PPM1H: variants seen among roughly 807,000 people sequenced by gnomAD.
PPM1H encodes protein phosphatase 1H.
Under a neutral mutation model 54.9 loss-of-function variants are expected in PPM1H, and 27 were observed. That is an observed-to-expected ratio of 0.49 (90% CI 0.36 to 0.68). PPM1H has a LOEUF of 0.68. PPM1H is among the 30% of genes least tolerant of loss of function. PPM1H has a pLI of 0.00. For missense variants in PPM1H, 596 were observed against 667.8 expected (o/e 0.89, Z 1.19); for synonymous variants, 305 against 270.8 (o/e 1.13, Z -1.24).
intron 1 of PPM1H, among the ~76,000 whole-genome samples, chr12:62,902,355 AAATAAT>A (rs903508211): frequency 3.3e-5 from 5 of 151,348 alleles, no homozygotes; most frequent in African/African-American, 9.7e-5. Flanking sequence ...CTCCAACTCA[AAATAAT>A]AATAATAATA....
At chr12:62,840,070 AGAGAGAGAGAGAGAGC>A (rs1399869972) in intron 1 of PPM1H, 1 of 151,416 alleles carries the variant, frequency 6.6e-6, no homozygotes, top group African/African-American at 2.4e-5. Flanking sequence ...AGAGAGAGAG[AGAGAGAGAGAGAGAGC>A]GAGAGAAATA....
rs577282851 is a variant in PPM1H at position 62,647,326 on chromosome 12, G to A, written c.*1163C>T. 1 of 152,296 alleles carries A rather than the reference G, an allele frequency of 6.6e-6. No homozygotes were observed. The highest frequency in any genetic ancestry group is 2.4e-5 in the African/African-American group (1 of 41,558). The allele number at this position is 152,296 out of a possible 1,614,324, so 9.4% of individuals were successfully genotyped here. A position where few individuals can be genotyped will look rare whatever the true frequency, so the allele number is the denominator to read the frequency against. The stretch of plus-strand genomic sequence containing the variant: ...TTCTTTTATTAAAGTGCCCCCCGAG[G>A]GGCCTTGCACAAAGATGATGGGGAG... On this transcript the variant is annotated 3_prime_UTR_variant, in exon 10 of 10. Coordinates refer to ENST00000228705, the MANE Select transcript of PPM1H (RefSeq NM_020700.2).
At chr12:62,865,012 A>T (rs1261063792) in intron 1 of PPM1H, among the ~76,000 whole-genome samples, 1 of 152,124 alleles carries the variant, frequency 6.6e-6, no homozygotes, top group African/African-American at 2.4e-5. Context: ...TTAAATGTCC[A>T]CTCCTCATTA....
intron 2 of PPM1H, among the ~76,000 whole-genome samples, chr12:62,819,405 G>A (rs896571584): frequency 6.6e-6 from 1 of 152,158 alleles, no homozygotes; most frequent in African/African-American, 2.4e-5. Context: ...GGGATTACAG[G>A]CGTGAGCCAC....
chr12:62,857,912 G>A (rs755759653), intron 1 of PPM1H, among the ~76,000 whole-genome samples: 6 of 152,098 alleles, frequency 3.9e-5, no homozygotes, highest in Non-Finnish European at 5.9e-5. Context: ...CCAGGTCAGC[G>A]CCTTGCATAT....
intron 4 of PPM1H, among the ~76,000 whole-genome samples, chr12:62,769,107 A>G (rs2076563005): frequency 6.6e-6 from 1 of 152,172 alleles, no homozygotes; most frequent in Non-Finnish European, 1.5e-5. Context: ...TGTTGGGTCA[A>G]CCAGAAGACT....
At chr12:62,793,784 A>C (rs75660994) in intron 3 of PPM1H, among the ~76,000 whole-genome samples, 48 of 151,634 alleles carry the variant, frequency 3.2e-4, no homozygotes, top group African/African-American at 1.0e-3. Flanking sequence ...ATGTGTGTGC[A>C]ATGAGACTAA....
At chr12:62,749,528 G>C (rs1238054823) in intron 4 of PPM1H, among the ~76,000 whole-genome samples, 1 of 152,166 alleles carries the variant, frequency 6.6e-6, no homozygotes, top group Non-Finnish European at 1.5e-5. Flanking sequence ...GGGCAGCTGA[G>C]GGACAAGCCA....
At chr12:62,649,488 T>G (rs1002411049) in intron 9 of PPM1H, among the ~76,000 whole-genome samples, 2 of 152,132 alleles carry the variant, frequency 1.3e-5, no homozygotes, top group Non-Finnish European at 1.5e-5. Flanking sequence ...CATAAAAAAA[T>G]GAGACAAAAC....
At chr12:62,891,477 T>G (rs1275913243) in intron 1 of PPM1H, among the ~76,000 whole-genome samples, 2 of 152,214 alleles carry the variant, frequency 1.3e-5, no homozygotes, top group African/African-American at 4.8e-5. Context: ...TTAAAATAAG[T>G]TGGCCAAGAT....
At chr12:62,775,786 T>G (rs2076606986) in intron 4 of PPM1H, among the ~76,000 whole-genome samples, 1 of 152,186 alleles carries the variant, frequency 6.6e-6, no homozygotes, top group Non-Finnish European at 1.5e-5. Context: ...TACTACCCCC[T>G]CTTTCTTTGG....
At chr12:62,791,643 G>A (rs547106488) in intron 3 of PPM1H, among the ~76,000 whole-genome samples, 78 of 152,212 alleles carry the variant, frequency 5.1e-4, no homozygotes, top group African/African-American at 1.7e-3. Flanking sequence ...TGAAAACGCC[G>A]GGCGTGGTGG....
At chr12:62,787,772 C>A (rs138974510) in intron 4 of PPM1H, among the ~76,000 whole-genome samples, 16 of 152,188 alleles carry the variant, frequency 1.1e-4, no homozygotes, top group Non-Finnish European at 4.4e-5. Context: ...TGAACCCGGA[C>A]GTGAGGCAAC....
rs528683000 is a variant in PPM1H at position 62,677,754 on chromosome 12, G to A, written c.1246-10425C>T. 3.9e-5 allele frequency among the ~76,000 whole-genome samples: 6 copies of A among 152,324 alleles called. No individual in the cohort carries two copies. In the South Asian group the frequency reaches 1.2e-3, roughly 32 times the overall value. ...CGGGCCCAAGCAAAACTTGGGCAAAGATGCCACCAGCCACAGTGGTTTCCG... is the reference window on the plus strand; with the variant it reads ...CGGGCCCAAGCAAAACTTGGGCAAAAATGCCACCAGCCACAGTGGTTTCCG... On this transcript the variant is annotated intron_variant, in intron 8 of 9. Coordinates refer to ENST00000228705, the MANE Select transcript of PPM1H (RefSeq NM_020700.2).
At chr12:62,794,660 G>A (rs2120724684) in intron 3 of PPM1H, among the ~76,000 whole-genome samples, 1 of 152,258 alleles carries the variant, frequency 6.6e-6, no homozygotes, top group South Asian at 2.1e-4. Flanking sequence ...TGATCCCTAG[G>A]AGGGCAAAGG....
intron 1 of PPM1H, among the ~76,000 whole-genome samples, chr12:62,889,925 C>T (rs1302623301): frequency 1.3e-5 from 2 of 152,100 alleles, no homozygotes; most frequent in African/African-American, 4.8e-5. Context: ...AATTGATAAG[C>T]TAGACTTTAT....
At chr12:62,863,172 C>G (rs1023772991) in intron 1 of PPM1H, among the ~76,000 whole-genome samples, 1 of 152,050 alleles carries the variant, frequency 6.6e-6, no homozygotes, top group Non-Finnish European at 1.5e-5. Flanking sequence ...AGGTGCGTGC[C>G]ACTACACCTG....
At chr12:62,698,326 T>A (rs1338983882) in intron 6 of PPM1H, among the ~76,000 whole-genome samples, 2 of 152,206 alleles carry the variant, frequency 1.3e-5, no homozygotes, top group Non-Finnish European at 2.9e-5. Flanking sequence ...CTCTGGGAAA[T>A]TCTTTCTTAA....
intron 1 of PPM1H, among the ~76,000 whole-genome samples, chr12:62,855,298 G>A (rs1565810710): frequency 6.6e-6 from 1 of 152,124 alleles, no homozygotes; most frequent in Non-Finnish European, 1.5e-5. Flanking sequence ...ACAGACTGGA[G>A]ACTTTTTAAG....
Sources: allele counts gnomAD v4.1 joint callset (sites outside exome capture counted in the v4.1 genomes callset), GRCh38; gene constraint gnomAD v4.1.1; transcripts MANE v1.5; gene names NCBI Gene and HGNC (gene_info 2026-07-23, HGNC 2026-07-21).